FAM163A: variants seen among roughly 807,000 people sequenced by gnomAD.
FAM163A encodes protein FAM163A.
A neutral mutation model predicts 12.0 loss-of-function variants in FAM163A; 7 were observed. That is an observed-to-expected ratio of 0.58 (90% CI 0.33 to 1.10). The LOEUF is 1.10. FAM163A is among the 50% of genes least tolerant of loss of function. The pLI is 0.03. For synonymous variants in FAM163A, 101 were observed against 91.0 expected (o/e 1.11, Z -0.62); for missense variants, 202 against 218.6 (o/e 0.92, Z 0.48).
chr1:179,804,918 T>C (rs1040219420), intron 1 of FAM163A, among the ~76,000 whole-genome samples: 2 of 152,226 alleles, frequency 1.3e-5, no homozygotes, highest in Non-Finnish European at 2.9e-5. Flanking sequence ...TGAGTTGACC[T>C]GTGTGACAAA....
chr1:179,756,984 A>G (rs556803166), intron 1 of FAM163A, among the ~76,000 whole-genome samples: 95 of 152,366 alleles, frequency 6.2e-4, no homozygotes, highest in African/African-American at 2.2e-3. Context: ...CAGAATAAAC[A>G]AATTGCAAGG....
chr1:179,783,430 T>C (rs1690086038), intron 1 of FAM163A, among the ~76,000 whole-genome samples: 1 of 152,130 alleles, frequency 6.6e-6, no homozygotes, highest in African/African-American at 2.4e-5. Flanking sequence ...GGGAAAATAG[T>C]TTGACAATGT....
chr1:179,780,322 C>T (rs111409307), intron 1 of FAM163A, among the ~76,000 whole-genome samples: 27 of 152,258 alleles, frequency 1.8e-4, no homozygotes, highest in Admixed American at 7.2e-4. Flanking sequence ...AATTACTGAT[C>T]TTGGCTCCCA....
chr1:179,791,807 A>G (rs4320747), intron 1 of FAM163A, among the ~76,000 whole-genome samples: 71,881 of 151,998 alleles, frequency 0.47, 19,337 homozygotes, highest in African/African-American at 0.74. Context: ...CCAACCACCT[A>G]GCCAAGCTTG....
intron 1 of FAM163A, among the ~76,000 whole-genome samples, chr1:179,758,633 C>A (rs1373369467): frequency 6.6e-6 from 1 of 152,252 alleles, no homozygotes; most frequent in East Asian, 1.9e-4. Context: ...TCCCTAGCTG[C>A]TTCATTAGTG....
intron 1 of FAM163A, among the ~76,000 whole-genome samples, chr1:179,799,107 AAAGTGAAAC>A (rs1468437353): frequency 2.7e-5 from 4 of 149,016 alleles, no homozygotes; most frequent in African/African-American, 7.7e-5. Context: ...CTGCTGGAAG[AAAGTGAAAC>A]AAGTGAAACA....
chr1:179,785,522 GT>G (rs956225224), intron 1 of FAM163A, among the ~76,000 whole-genome samples: 2 of 152,136 alleles, frequency 1.3e-5, no homozygotes. Flanking sequence ...TCCAGCTTTG[GT>G]TTTGGTTTGT....
intron 1 of FAM163A, among the ~76,000 whole-genome samples, chr1:179,807,133 G>C (rs1189570283): frequency 6.6e-6 from 1 of 152,002 alleles, no homozygotes; most frequent in African/African-American, 2.4e-5. Context: ...AGACTGATTG[G>C]TTAAATGAAT....
chr1:179,745,051 T>C (rs189869670), intron 1 of FAM163A, among the ~76,000 whole-genome samples: 429 of 152,312 alleles, frequency 2.8e-3, no homozygotes, highest in African/African-American at 9.9e-3. Context: ...TAAAGGTACA[T>C]GCTCTGAAAA....
chr1:179,805,800 C>T (rs1487906262), intron 1 of FAM163A, among the ~76,000 whole-genome samples: 1 of 152,212 alleles, frequency 6.6e-6, no homozygotes, highest in East Asian at 1.9e-4. Context: ...AAACTTAAAA[C>T]TGGCTCCTGC....
intron 1 of FAM163A, among the ~76,000 whole-genome samples, chr1:179,773,643 C>G (rs945937710): frequency 1.3e-5 from 2 of 152,174 alleles, no homozygotes; most frequent in African/African-American, 4.8e-5. Context: ...GTAAGCAGTC[C>G]AAGGTTCTTA....
intron 1 of FAM163A, among the ~76,000 whole-genome samples, chr1:179,806,348 T>C (rs1040291031): frequency 2.0e-5 from 3 of 152,182 alleles, no homozygotes; most frequent in African/African-American, 7.2e-5. Context: ...TGAGAACATC[T>C]TGGAGAAAAG....
intron 1 of FAM163A, among the ~76,000 whole-genome samples, chr1:179,743,908 G>A (rs1323101469): frequency 2.0e-5 from 3 of 152,156 alleles, no homozygotes; most frequent in Admixed American, 1.3e-4. Flanking sequence ...GCCACCCGGG[G>A]AGCATGAGGC....
chr1:179,735,670 A>AT, the FAM163A span, among the ~76,000 whole-genome samples: 1 of 151,432 alleles, frequency 6.6e-6, no homozygotes, highest in Admixed American at 6.6e-5. Flanking sequence ...AGCCCGGCTA[A>AT]TTTTTTGTAT....
chr1:179,763,795 T>C (rs1023520865), intron 1 of FAM163A, among the ~76,000 whole-genome samples: 1 of 152,046 alleles, frequency 6.6e-6, no homozygotes, highest in Non-Finnish European at 1.5e-5. Context: ...GGCAGAGAAA[T>C]CCTAATGCTT....
chr1:179,809,154 G>A (rs1418369933), intron 2 of FAM163A, among the ~76,000 whole-genome samples: 2 of 152,018 alleles, frequency 1.3e-5, no homozygotes, highest in Non-Finnish European at 2.9e-5. Context: ...CAGGGAAACT[G>A]GTTGAGAGCT....
intron 1 of FAM163A, among the ~76,000 whole-genome samples, chr1:179,790,134 T>C: frequency 6.6e-6 from 1 of 151,392 alleles, no homozygotes; most frequent in East Asian, 1.9e-4. Flanking sequence ...GAAAGCAGTG[T>C]CAAAGATAAT....
intron 1 of FAM163A, among the ~76,000 whole-genome samples, chr1:179,760,018 T>C (rs527385631): frequency 6.6e-6 from 1 of 152,294 alleles, no homozygotes; most frequent in African/African-American, 2.4e-5. Flanking sequence ...ATCCAAATGT[T>C]CGTGCAGTGT....
intron 1 of FAM163A, among the ~76,000 whole-genome samples, chr1:179,787,781 G>T (rs1387719485): frequency 6.6e-6 from 1 of 152,228 alleles, no homozygotes; most frequent in African/African-American, 2.4e-5. Context: ...AGAACCCACT[G>T]CAGGGCCGAA....
Sources: allele counts gnomAD v4.1 joint callset (sites outside exome capture counted in the v4.1 genomes callset), GRCh38; gene constraint gnomAD v4.1.1; transcripts MANE v1.5; gene names NCBI Gene and HGNC (gene_info 2026-07-23, HGNC 2026-07-21).